CALR3: variants seen among roughly 807,000 people sequenced by gnomAD.
CALR3 encodes calreticulin 3.
CALR3 carries 39 observed loss-of-function variants against 48.7 expected under a neutral mutation model. That is an observed-to-expected ratio of 0.80 (90% CI 0.62 to 1.05). CALR3 has a LOEUF of 1.05. Among genes scored for constraint, CALR3 ranks in the 50% least tolerant of loss-of-function variants. CALR3 has a pLI of 0.00. For missense variants in CALR3, 449 were observed against 474.7 expected (o/e 0.95, Z 0.50); for synonymous variants, 185 against 172.7 (o/e 1.07, Z -0.56).
In CALR3 at chr19:16,479,155, T is replaced by C. The variant is rs767040811; in HGVS notation, c.1131A>G (p.Gln377=). The C allele has an allele frequency of 1.8e-5, 29 of 1,614,062 alleles. No individual in the cohort carries two copies. The highest frequency in any genetic ancestry group is 2.4e-5 in the Non-Finnish European group (28 of 1,179,974). The change falls in exon 9 of 9, where the codon CAA becomes CAG. Residue 377 remains glutamine (Q), a synonymous_variant. Coordinates refer to ENST00000269881, the MANE Select transcript of CALR3 (RefSeq NM_145046.5). ...KINRHEHYFN[Q]FHRRNEL is the part of the protein sequence containing the mutation. ...ACTAAAGTTCATTCCTTCTGTGAAA[T>C]TGATTGAAGTAATGTTCGTGCCTGT...
chr19:16,486,935 T>G (rs1217331020), intron 3 of CALR3, among the ~76,000 whole-genome samples: 1 of 152,136 alleles, frequency 6.6e-6, no homozygotes, highest in Non-Finnish European at 1.5e-5. Context: ...TATTTTAATC[T>G]TTTTTTGACC....
At chr19:16,491,525 T>A (rs2093398075) in intron 2 of CALR3, among the ~76,000 whole-genome samples, 1 of 146,568 alleles carries the variant, frequency 6.8e-6, no homozygotes, top group Non-Finnish European at 1.5e-5. Context: ...ACGCCTGTAA[T>A]CCCAGCACTT....
chr19:16,486,440 T>C (rs1188947767), intron 3 of CALR3, among the ~76,000 whole-genome samples: 1 of 151,446 alleles, frequency 6.6e-6, no homozygotes, highest in Non-Finnish European at 1.5e-5. Flanking sequence ...ACTAACATGG[T>C]GAAACCCCAC....
Position 16,485,211 on chromosome 19 carries a change from T to C in CALR3, c.444A>G (p.Leu148=). The C allele has an allele frequency of 6.2e-7, 1 of 1,610,734 alleles. No individual in the cohort carries two copies. The highest frequency in any genetic ancestry group is 8.5e-7 in the Non-Finnish European group (1 of 1,177,076). Residue 148 remains leucine, a synonymous_variant, in exon 4 of 9, where the codon TTA becomes TTG. Coordinates refer to ENST00000269881, the MANE Select transcript of CALR3 (RefSeq NM_145046.5). ...TTTCGTGATACTTATTCTTGAAATG[T>C]AAAATAACATGAACTTTCTTGATAT... ...GFDIKKVHVI[L]HFKNKYHENK...
Position 16,487,565 on chromosome 19 carries a change from C to T in CALR3, c.398-2308G>A, listed in dbSNP as rs537486426. On this transcript the variant is annotated intron_variant, in intron 3 of 8. Transcript: ENST00000269881. ...TCTCAAACTCCGGGGCTCAAGTGAT[C>T]CTCCCTTGATGTTTCAGATATCTGG... Among the ~76,000 whole-genome samples the T allele has an allele frequency of 6.3e-4, 95 of 150,570 alleles. No homozygotes were observed. The Middle Eastern group carries it at 0.01, about 17-fold the overall frequency.
At chr19:16,483,472 C>A (rs1357921205) in intron 5 of CALR3, among the ~76,000 whole-genome samples, 1 of 152,146 alleles carries the variant, frequency 6.6e-6, no homozygotes, top group Admixed American at 6.6e-5. Flanking sequence ...AATCCCAGCA[C>A]TTTGGGAGGC....
chr19:16,488,141 G>T (rs2093392089), intron 3 of CALR3, among the ~76,000 whole-genome samples: 1 of 151,962 alleles, frequency 6.6e-6, no homozygotes, highest in South Asian at 2.1e-4. Context: ...TAGAAACGGG[G>T]TTTCTCCATG....
intron 1 of CALR3, 92 bp from the exon 2 acceptor site, chr19:16,495,944 T>A: frequency 6.4e-7 from 1 of 1,561,992 alleles, no homozygotes; most frequent in South Asian, 1.1e-5. Flanking sequence ...GATTCGAGGG[T>A]TCGCTGCCGT....
chr19:16,485,281 C>T, intron 3 of CALR3, 24 bp from the exon 4 acceptor site: 1 of 1,456,008 alleles, frequency 6.9e-7, no homozygotes, highest in East Asian at 2.3e-5. Context: ...TAGCTGCTCT[C>T]AATTTCTTTC....
chr19:16,480,701 T>A lies in CALR3; in HGVS notation c.924A>T (p.Arg308Ser). The A allele has an allele frequency of 6.2e-7, 1 of 1,608,382 alleles. No individual in the cohort carries two copies. The highest frequency in any genetic ancestry group is 8.5e-7 in the Non-Finnish European group (1 of 1,174,830). Residue 308 changes from arginine to serine, a missense_variant, in exon 8 of 9, where the codon AGA becomes AGT. Physicochemically the swap from Arg to Ser is moderately radical, Grantham distance 110 (BLOSUM62 -1). Coordinates refer to ENST00000269881, the MANE Select transcript of CALR3 (RefSeq NM_145046.5). Reference sequence around the variant, plus strand: ...GAAAGTTATCAAAAATGGTTCCAGATCTCACCTGCAGATGAAAATAAGGCC... The same window carrying A: ...GAAAGTTATCAAAAATGGTTCCAGAACTCACCTGCAGATGAAAATAAGGCC... ...GAIGLELWQV[R>S]SGTIFDNFLI...
rs747275914 is a variant in CALR3, at chr19:16,491,553, C to T, written c.194-983G>A. On this transcript the variant is annotated intron_variant, in intron 2 of 8. Coordinates refer to ENST00000269881, the MANE Select transcript of CALR3 (RefSeq NM_145046.5). Reference sequence around the variant, plus strand: ...CAGCACTTTGGGAGGCTGAGGCAGGCGGATCACGGGGTCAGGAGTTTGAGA... The same window carrying T: ...CAGCACTTTGGGAGGCTGAGGCAGGTGGATCACGGGGTCAGGAGTTTGAGA... Among the ~76,000 whole-genome samples the T allele has an allele frequency of 4.3e-3, 651 of 151,134 alleles. 5 individuals carry two copies. The highest frequency in any genetic ancestry group is 0.012 in the African/African-American group (482 of 41,332).
At chr19:16,484,161 CTTTTTTCTTTTCTTTTCTTT>C in intron 4 of CALR3, 46 bp from the exon 5 acceptor site, 12 of 1,064,908 alleles carry the variant, frequency 1.1e-5, no homozygotes, top group South Asian at 3.2e-5. Flanking sequence ...TCCTCAATTT[CTTTTTTCTTTTCTTTTCTTT>C]TTTTTTTTTT....
intron 1 of CALR3, 70 bp from the exon 2 acceptor site, chr19:16,495,922 G>A: frequency 6.4e-7 from 1 of 1,566,882 alleles, no homozygotes; most frequent in Non-Finnish European, 8.8e-7. Context: ...AAGGGTGAAG[G>A]GGACCCTCGA....
At chr19:16,487,481 C>CAA (rs59647657) in intron 3 of CALR3, among the ~76,000 whole-genome samples, 2,070 of 102,582 alleles carry the variant, frequency 0.02, 69 homozygotes, top group Admixed American at 0.051. Flanking sequence ...TGTGTCTCCA[C>CAA]AAAAAAAAAA....
chr19:16,494,592 C>A (rs2093403052), intron 2 of CALR3, among the ~76,000 whole-genome samples: 1 of 149,716 alleles, frequency 6.7e-6, no homozygotes, highest in Non-Finnish European at 1.5e-5. Flanking sequence ...GAACTCCTGA[C>A]CTCATGATCC....
At chr19:16,479,615 T>C (rs950893058) in intron 8 of CALR3, among the ~76,000 whole-genome samples, 6 of 146,450 alleles carry the variant, frequency 4.1e-5, no homozygotes, top group African/African-American at 1.5e-4. Flanking sequence ...AAAAATTAGC[T>C]GGGCGTGGTG....
At chr19:16,488,055 T>C (rs10469466) in intron 3 of CALR3, among the ~76,000 whole-genome samples, 101,483 of 151,716 alleles carry the variant, frequency 0.67, 34,210 homozygotes, top group South Asian at 0.75. Flanking sequence ...CCTCGTGATC[T>C]GCCCACCTCG....
intron 4 of CALR3, 102 bp from the exon 5 acceptor site, chr19:16,484,217 G>C (rs1161468601): frequency 1.7e-6 from 2 of 1,145,016 alleles, no homozygotes; most frequent in South Asian, 2.9e-5. Flanking sequence ...TCACTCTGTC[G>C]CCCAGGTTGG....
intron 4 of CALR3, 65 bp from the exon 5 acceptor site, chr19:16,484,180 T>TTTC: frequency 1.3e-6 from 1 of 793,902 alleles, no homozygotes; most frequent in Non-Finnish European, 1.7e-6. Flanking sequence ...TTTCTTTTCT[T>TTTC]TTTTTTTTTT....
Sources: allele counts gnomAD v4.1 joint callset (sites outside exome capture counted in the v4.1 genomes callset), GRCh38; gene constraint gnomAD v4.1.1; transcripts MANE v1.5; gene names NCBI Gene and HGNC (gene_info 2026-07-23, HGNC 2026-07-21).